MAGI2: variants seen among roughly 807,000 people sequenced by gnomAD.
MAGI2 encodes the protein membrane-associated guanylate kinase, WW and PDZ domain-containing protein 2.
In MAGI2, 35 loss-of-function variants were observed where a neutral mutation model predicts 133.3. The observed-to-expected ratio is 0.26, with a 90% confidence interval of 0.20 to 0.35. The LOEUF is 0.35. MAGI2 is among the 10% of genes least tolerant of loss of function. MAGI2 has a pLI of 1.00. For missense variants in MAGI2, 1,636 were observed against 1,863.4 expected, an observed-to-expected ratio of 0.88 and a Z score of 2.25; for synonymous variants, 729 against 710.6, an observed-to-expected ratio of 1.03 and a Z score of -0.41.
intron 1 of MAGI2, among the ~76,000 whole-genome samples, chr7:79,108,603 T>C (rs1818640266): frequency 6.6e-6 from 1 of 152,246 alleles, no homozygotes; most frequent in South Asian, 2.1e-4. Flanking sequence ...AAGGCTACTT[T>C]GTCTCATGTT....
intron 3 of MAGI2, chr7:78,615,303 T>C (rs1249780240): frequency 6.6e-6 from 1 of 152,238 alleles, no homozygotes; most frequent in Non-Finnish European, 1.5e-5. Flanking sequence ...CTAGATATCC[T>C]TGAAGTTAGA....
chr7:79,365,171 T>C (rs1440671726), intron 1 of MAGI2, among the ~76,000 whole-genome samples: 2 of 152,188 alleles, frequency 1.3e-5, no homozygotes, highest in Admixed American at 6.5e-5. Context: ...ATACGCAAAT[T>C]AAATTCACAA....
At chr7:78,692,813 T>C (rs1817108771) in intron 2 of MAGI2, among the ~76,000 whole-genome samples, 1 of 152,190 alleles carries the variant, frequency 6.6e-6, no homozygotes, top group South Asian at 2.1e-4. Flanking sequence ...CACTACTTAG[T>C]GATTATGCTA....
intron 10 of MAGI2, among the ~76,000 whole-genome samples, chr7:78,249,636 A>G (rs140367515): frequency 9.5e-4 from 145 of 152,226 alleles, no homozygotes; most frequent in African/African-American, 3.5e-3. Context: ...TCTCACTTAT[A>G]TGCAGAATAT....
At chr7:78,218,021 G>A (rs1303660931) in intron 10 of MAGI2, among the ~76,000 whole-genome samples, 2 of 152,220 alleles carry the variant, frequency 1.3e-5, no homozygotes, top group Non-Finnish European at 2.9e-5. Flanking sequence ...TGTCCCACAT[G>A]GGCAGAACTA....
intron 2 of MAGI2, among the ~76,000 whole-genome samples, chr7:78,857,886 A>AC (rs1793799063): frequency 6.6e-6 from 1 of 151,758 alleles, no homozygotes; most frequent in Non-Finnish European, 1.5e-5. Flanking sequence ...CTGGTCCTGG[A>AC]TTTTTTTTGT....
intron 1 of MAGI2, among the ~76,000 whole-genome samples, chr7:79,235,904 A>G (rs1831883812): frequency 6.6e-6 from 1 of 152,242 alleles, no homozygotes; most frequent in African/African-American, 2.4e-5. Flanking sequence ...TGGCAGTACC[A>G]GACACACAGT....
Position 78,190,578 on chromosome 7 carries a change from C to T in MAGI2, c.2269+4296G>A, listed in dbSNP as rs117556893. 6.0e-3 allele frequency among the ~76,000 whole-genome samples: 913 copies of T among 152,160 alleles called. 5 individuals carry two copies. Among genetic ancestry groups the T allele is most frequent in the Middle Eastern group, 0.014 (4 of 294 alleles). ...CAGGAAACTTCCATGTGTAGTCACCCTAGATAGTCTTATAAGTAACTAGAC... is the reference window on the plus strand; with the variant it reads ...CAGGAAACTTCCATGTGTAGTCACCTTAGATAGTCTTATAAGTAACTAGAC... On this transcript the variant is annotated intron_variant, in intron 12 of 21. Transcript: ENST00000354212.
rs372796133 is a variant in MAGI2 at position 78,067,896 on chromosome 7, C to T, written c.3706+11051G>A. ...GGTAAAAAATACAGAGATAATAAGA[C>T]GGTTATTGGTTGCCAGGGGTGGGTG... On this transcript the variant is annotated intron_variant, in intron 21 of 21. Coordinates refer to ENST00000354212, the MANE Select transcript of MAGI2 (RefSeq NM_012301.4). 4.0e-4 allele frequency among the ~76,000 whole-genome samples: 61 copies of T among 152,154 alleles called. No homozygotes were observed. In the East Asian group the frequency reaches 4.8e-3, roughly 12 times the overall value.
intron 1 of MAGI2, among the ~76,000 whole-genome samples, chr7:79,178,006 A>C (rs1474601427): frequency 6.6e-6 from 1 of 152,056 alleles, no homozygotes; most frequent in Non-Finnish European, 1.5e-5. Context: ...TCAACTACTG[A>C]ATGTAGTTTC....
At chr7:78,792,342 T>G (rs1787231231) in intron 2 of MAGI2, among the ~76,000 whole-genome samples, 1 of 152,226 alleles carries the variant, frequency 6.6e-6, no homozygotes. Flanking sequence ...AATGCAATTT[T>G]ATTTTGTACC....
chr7:78,689,042 T>A (rs1323457156), intron 2 of MAGI2, among the ~76,000 whole-genome samples: 1 of 152,176 alleles, frequency 6.6e-6, no homozygotes, highest in Non-Finnish European at 1.5e-5. Context: ...CAATTGGAGT[T>A]TTCTATCTAG....
chr7:78,705,072 T>C, intron 2 of MAGI2, among the ~76,000 whole-genome samples: 1 of 152,048 alleles, frequency 6.6e-6, no homozygotes, highest in Admixed American at 6.6e-5. Flanking sequence ...TGGAGTTTCC[T>C]TTCCTTTTTG....
intron 6 of MAGI2, among the ~76,000 whole-genome samples, chr7:78,378,300 T>C (rs1409899299): frequency 6.6e-6 from 1 of 151,898 alleles, no homozygotes; most frequent in African/African-American, 2.4e-5. Context: ...ATAATTGGAA[T>C]ACATAAAGAA....
intron 21 of MAGI2, among the ~76,000 whole-genome samples, chr7:78,060,827 G>A (rs28622165): frequency 0.044 from 6,767 of 152,232 alleles, 170 homozygotes; most frequent in African/African-American, 0.08. Context: ...GGAGATGAGA[G>A]TGAATAGCAG....
At chr7:78,559,568 G>A (rs1298758395) in intron 3 of MAGI2, among the ~76,000 whole-genome samples, 1 of 151,984 alleles carries the variant, frequency 6.6e-6, no homozygotes, top group African/African-American at 2.4e-5. Context: ...TATTTCCCAT[G>A]CCGATGCTCG....
intron 6 of MAGI2, among the ~76,000 whole-genome samples, chr7:78,429,405 G>A (rs751101488): frequency 6.6e-5 from 10 of 152,112 alleles, no homozygotes; most frequent in Middle Eastern, 6.8e-3. Context: ...TACAGGCAGC[G>A]GTTTCAGAAG....
At position 78,019,780 on chromosome 7, in the gene MAGI2, T is replaced by C; in HGVS notation, c.3903A>G (p.Ser1301=). 3 of 1,612,956 alleles carry C rather than the reference T, an allele frequency of 1.9e-6. No homozygotes were observed. The highest frequency in any genetic ancestry group is 2.5e-6 in the Non-Finnish European group (3 of 1,179,804). ...EHDVRKPKEL[S]ACGQKKQRLG... ...GGCGCTGCTTCTTCTGGCCGCAGGC[T>C]GAAAGCTCCTTTGGTTTCCTAACGT... Residue 1301 remains serine, a synonymous_variant, in exon 22 of 22, where the codon TCA becomes TCG. Coordinates refer to ENST00000354212, the MANE Select transcript of MAGI2 (RefSeq NM_012301.4).
At chr7:79,267,752 C>T (rs957591880) in intron 1 of MAGI2, among the ~76,000 whole-genome samples, 1 of 152,094 alleles carries the variant, frequency 6.6e-6, no homozygotes, top group Non-Finnish European at 1.5e-5. Context: ...TGTGCGTAAG[C>T]ATGGGAATCA....
Sources: allele counts gnomAD v4.1 joint callset (sites outside exome capture counted in the v4.1 genomes callset), GRCh38; gene constraint gnomAD v4.1.1; transcripts MANE v1.5; gene names NCBI Gene and HGNC (gene_info 2026-07-23, HGNC 2026-07-21).